Variants in ST6GALNAC3 observed in about 807,000 individuals in gnomAD.
The protein encoded by ST6GALNAC3 is alpha-N-acetylgalactosaminide alpha-2,6-sialyltransferase 3.
In ST6GALNAC3, 25 loss-of-function variants were observed where a neutral mutation model predicts 32.7. The observed-to-expected ratio is 0.76, with a 90% CI of 0.56 to 1.07. ST6GALNAC3 has a LOEUF of 1.07. Among genes scored for constraint, ST6GALNAC3 ranks in the 50% least tolerant of loss-of-function variants. The pLI is 0.00. For synonymous variants in ST6GALNAC3, 129 were observed against 133.1 expected (o/e 0.97, Z 0.21); for missense variants, 355 against 382.4 (o/e 0.93, Z 0.60).
At chr1:76,498,312 C>CT (rs1660980178) in intron 3 of ST6GALNAC3, among the ~76,000 whole-genome samples, 1 of 152,124 alleles carries the variant, frequency 6.6e-6, no homozygotes, top group Admixed American at 6.5e-5. Context: ...TTTGCTCTTT[C>CT]TTTTTATCCT....
chr1:76,180,577 A>T (rs931642136), intron 1 of ST6GALNAC3, among the ~76,000 whole-genome samples: 2 of 152,142 alleles, frequency 1.3e-5, no homozygotes, highest in African/African-American at 4.8e-5. Context: ...TACCCATATA[A>T]ACCCTGAACC....
At chr1:76,372,297 T>A (rs1650888370) in intron 2 of ST6GALNAC3, among the ~76,000 whole-genome samples, 1 of 152,152 alleles carries the variant, frequency 6.6e-6, no homozygotes, top group African/African-American at 2.4e-5. Flanking sequence ...TTTTTATTTT[T>A]GATTGAAAAA....
chr1:76,314,953 G>A (rs1033302580), intron 2 of ST6GALNAC3, among the ~76,000 whole-genome samples: 2 of 152,016 alleles, frequency 1.3e-5, no homozygotes, highest in African/African-American at 4.8e-5. Flanking sequence ...ATTCTGGGAG[G>A]ATGCTAAGCT....
intron 2 of ST6GALNAC3, among the ~76,000 whole-genome samples, chr1:76,385,637 G>C (rs1443990310): frequency 1.3e-5 from 2 of 152,116 alleles, no homozygotes; most frequent in African/African-American, 4.8e-5. Flanking sequence ...AATTACCTTG[G>C]AGGATCGGAT....
At chr1:76,140,527 T>A (rs1341271921) in intron 1 of ST6GALNAC3, among the ~76,000 whole-genome samples, 1 of 152,052 alleles carries the variant, frequency 6.6e-6, no homozygotes, top group African/African-American at 2.4e-5. Context: ...TGGCAGAGTG[T>A]TTATCAGATT....
At chr1:76,610,528 G>A (rs540915362) in intron 3 of ST6GALNAC3, among the ~76,000 whole-genome samples, 1 of 152,154 alleles carries the variant, frequency 6.6e-6, no homozygotes. Context: ...GGAACAAAGT[G>A]GGGTGACAAG....
chr1:76,201,782 G>C (rs1654533231), intron 1 of ST6GALNAC3, among the ~76,000 whole-genome samples: 1 of 152,112 alleles, frequency 6.6e-6, no homozygotes, highest in African/African-American at 2.4e-5. Flanking sequence ...AGATAAACAA[G>C]TGCCTTTGGG....
intron 2 of ST6GALNAC3, among the ~76,000 whole-genome samples, chr1:76,372,372 G>A (rs567526537): frequency 5.1e-4 from 78 of 151,814 alleles, no homozygotes; most frequent in African/African-American, 1.2e-3. Context: ...GCACACACAC[G>A]CGCACACACA....
At chr1:76,250,279 A>G (rs1423915796) in intron 1 of ST6GALNAC3, among the ~76,000 whole-genome samples, 1 of 152,236 alleles carries the variant, frequency 6.6e-6, no homozygotes, top group African/African-American at 2.4e-5. Context: ...GCTTCCAGAC[A>G]AAGTTTTGGC....
At chr1:76,264,622 G>T (rs1053602313) in intron 1 of ST6GALNAC3, among the ~76,000 whole-genome samples, 1 of 152,196 alleles carries the variant, frequency 6.6e-6, no homozygotes, top group East Asian at 1.9e-4. Context: ...AGCTCAGTAG[G>T]AGGAGGGAAG....
At chr1:76,587,082 C>A (rs1646973094) in intron 3 of ST6GALNAC3, among the ~76,000 whole-genome samples, 1 of 152,152 alleles carries the variant, frequency 6.6e-6, no homozygotes. Context: ...CTGCTATATT[C>A]CAGACACCAG....
intron 3 of ST6GALNAC3, among the ~76,000 whole-genome samples, chr1:76,471,734 G>C (rs1417611635): frequency 6.6e-6 from 1 of 152,010 alleles, no homozygotes; most frequent in African/African-American, 2.4e-5. Context: ...CTAAGAATGA[G>C]CCATTTCCTT....
chr1:76,164,487 T>C (rs371369617), intron 1 of ST6GALNAC3, among the ~76,000 whole-genome samples: 20 of 152,256 alleles, frequency 1.3e-4, no homozygotes, highest in Admixed American at 3.9e-4. Context: ...TCAAAAATAC[T>C]CTGTTTTTTA....
At chr1:76,549,718 AT>A (rs1368804132) in intron 3 of ST6GALNAC3, among the ~76,000 whole-genome samples, 7 of 152,096 alleles carry the variant, frequency 4.6e-5, no homozygotes, top group Non-Finnish European at 8.8e-5. Flanking sequence ...CTAGAAGTAA[AT>A]TTACAGGGGG....
intron 3 of ST6GALNAC3, among the ~76,000 whole-genome samples, chr1:76,450,512 A>G (rs146443802): frequency 6.6e-6 from 1 of 152,200 alleles, no homozygotes; most frequent in Non-Finnish European, 1.5e-5. Context: ...CTCCCACTCT[A>G]CAGGTTGTCT....
chr1:76,499,471 C>T (rs761609335), intron 3 of ST6GALNAC3, among the ~76,000 whole-genome samples: 1 of 152,130 alleles, frequency 6.6e-6, no homozygotes, highest in Non-Finnish European at 1.5e-5. Flanking sequence ...TTAGCTTCCT[C>T]CACAGCTGGT....
intron 3 of ST6GALNAC3, among the ~76,000 whole-genome samples, chr1:76,610,735 A>G (rs1389960433): frequency 1.3e-5 from 2 of 152,302 alleles, no homozygotes; most frequent in Admixed American, 6.5e-5. Flanking sequence ...TTCCTCCCCA[A>G]GTCACAGAAC....
intron 3 of ST6GALNAC3, among the ~76,000 whole-genome samples, chr1:76,442,649 T>A (rs1656692693): frequency 6.6e-6 from 1 of 152,220 alleles, no homozygotes; most frequent in South Asian, 2.1e-4. Flanking sequence ...GATGTGTTAT[T>A]TGACAAGAAC....
chr1:76,147,500 C>G (rs1214497953), intron 1 of ST6GALNAC3, among the ~76,000 whole-genome samples: 1 of 152,140 alleles, frequency 6.6e-6, no homozygotes. Flanking sequence ...ATCAATCTTC[C>G]CCCTTCCCCA....
Sources: gnomAD v4.1 joint callset for allele counts (sites outside exome capture counted in the v4.1 genomes callset) on GRCh38, gnomAD v4.1.1 for gene constraint, MANE v1.5 for transcripts, NCBI Gene and HGNC (gene_info 2026-07-23, HGNC 2026-07-21) for gene names.